DCAF1: variants seen among roughly 807,000 people sequenced by gnomAD.
The protein encoded by DCAF1 is DDB1 and CUL4 associated factor 1, also known as DDB1- and CUL4-associated factor 1.
DCAF1 carries 15 observed loss-of-function variants against 128.0 expected under a neutral mutation model. The observed-to-expected ratio is 0.12, with a 90% CI of 0.08 to 0.18. The LOEUF is 0.18. DCAF1 is among the 10% of genes least tolerant of loss of function. The pLI is 1.00. For missense variants in DCAF1, 988 were observed against 1,649.5 expected (o/e 0.60, Z 6.95); for synonymous variants, 610 against 603.0 (o/e 1.01, Z -0.17).
At chr3:51,499,727 A>G (rs1708648954) in intron 1 of DCAF1, 146 bp downstream of exon 1, 1 of 151,350 alleles carries the variant, frequency 6.6e-6, no homozygotes, top group African/African-American at 2.4e-5. Context: ...GCCTCCCGGC[A>G]GACCGGCCCG....
chr3:51,430,354 T>C (rs534196387), intron 10 of DCAF1, 142 bp from the exon 11 acceptor site: 1 of 559,298 alleles, frequency 1.8e-6, no homozygotes, highest in Admixed American at 3.3e-5. Flanking sequence ...AAAGTTTAGG[T>C]AATAATACAA....
intron 9 of DCAF1, chr3:51,437,362 T>G (rs375818278): frequency 1.3e-5 from 5 of 386,556 alleles, no homozygotes; most frequent in African/African-American, 6.7e-5. Context: ...GGGCTGAACA[T>G]GGGAGGGCAA....
In DCAF1 at chr3:51,430,843, G is replaced by A. The variant is rs148835725; in HGVS notation, c.1288-631C>T. ...GCAAAGATAAATAATGTCATAGCTC[G>A]AGAAGAAATTACCCATTTCACTCTA... On this transcript the variant is annotated intron_variant, in intron 10 of 24. Transcript: ENST00000684031. 7.8e-3 allele frequency among the ~76,000 whole-genome samples: 1,187 copies of A among 152,188 alleles called. 18 individuals are homozygous for A. Among genetic ancestry groups the A allele is most frequent in the African/African-American group, 0.027 (1,109 of 41,538 alleles).
intron 13 of DCAF1, among the ~76,000 whole-genome samples, chr3:51,425,055 C>T (rs782192073): frequency 2.6e-5 from 4 of 152,036 alleles, no homozygotes; most frequent in Non-Finnish European, 4.4e-5. Flanking sequence ...GCAAATATTA[C>T]GTAGTGAATG....
At chr3:51,445,611 T>A (rs928654385) in intron 6 of DCAF1, among the ~76,000 whole-genome samples, 5 of 152,212 alleles carry the variant, frequency 3.3e-5, no homozygotes, top group African/African-American at 1.2e-4. Flanking sequence ...CTCTGCTATT[T>A]TATTGGCTTG....
chr3:51,412,752 A>G (rs1169765076), intron 22 of DCAF1, among the ~76,000 whole-genome samples: 3 of 152,206 alleles, frequency 2.0e-5, no homozygotes, highest in African/African-American at 7.2e-5. Context: ...AAGGGATGAC[A>G]GTGTGAGTCC....
At chr3:51,434,982 A>G (rs1317946803) in intron 9 of DCAF1, among the ~76,000 whole-genome samples, 1 of 152,218 alleles carries the variant, frequency 6.6e-6, no homozygotes, top group Non-Finnish European at 1.5e-5. Flanking sequence ...TTGTAATTAC[A>G]TGATATGATA....
chr3:51,434,666 T>A (rs1253437118), intron 9 of DCAF1, among the ~76,000 whole-genome samples: 1 of 152,190 alleles, frequency 6.6e-6, no homozygotes, highest in Non-Finnish European at 1.5e-5. Context: ...GATCAATATA[T>A]CCCCAAAAGA....
rs1207178041 is a variant in DCAF1 at position 51,397,999 on chromosome 3, A to AACTT, written c.*766_*769dup. On this transcript the variant is annotated 3_prime_UTR_variant, in exon 25 of 25. Transcript: ENST00000684031. The stretch of plus-strand genomic sequence containing the variant: ...ATCACAAAGAAAAATAGAGGGAGTG[A>AACTT]ACTTATATCCTAAGTTCCCTCAACT... 6.1e-6 allele frequency: 1 copy of AACTT among 164,496 alleles called. No individual in the cohort carries two copies. The highest frequency in any genetic ancestry group is 6.5e-5 in the Admixed American group (1 of 15,280). The allele number at this position is 164,496 out of a possible 1,614,324, so 10.2% of individuals were successfully genotyped here.
intron 7 of DCAF1, 133 bp from the exon 8 acceptor site, chr3:51,442,030 A>T (rs1701406985): frequency 4.1e-6 from 5 of 1,230,708 alleles, no homozygotes; most frequent in Non-Finnish European, 4.4e-6. Context: ...CAACAATTTG[A>T]TAAATGCGTT....
At chr3:51,447,681 C>T (rs1360771095) in intron 6 of DCAF1, among the ~76,000 whole-genome samples, 2 of 152,182 alleles carry the variant, frequency 1.3e-5, no homozygotes, top group Non-Finnish European at 2.9e-5. Context: ...GGCACGGTGG[C>T]TCATGCCTGT....
At chr3:51,484,544 G>C (rs1456412226) in intron 2 of DCAF1, among the ~76,000 whole-genome samples, 1 of 152,034 alleles carries the variant, frequency 6.6e-6, no homozygotes, top group African/African-American at 2.4e-5. Context: ...CTAGATCTCT[G>C]AGGTCTAAAA....
intron 20 of DCAF1, 151 bp downstream of exon 20, chr3:51,413,799 A>G (rs375231657): frequency 9.6e-7 from 1 of 1,036,864 alleles, no homozygotes; most frequent in Admixed American, 4.0e-5. Flanking sequence ...ATCTTTTGTC[A>G]CCATTCATAC....
At chr3:51,441,297 A>G in intron 8 of DCAF1, 88 bp downstream of exon 8, 2 of 1,443,124 alleles carry the variant, frequency 1.4e-6, no homozygotes, top group Non-Finnish European at 1.8e-6. Flanking sequence ...GTTAGAATAT[A>G]TCTTTGTATA....
rs1222743053 is a variant in DCAF1 at position 51,420,290 on chromosome 3, C to A, written c.2680G>T (p.Ala894Ser). Residue 894 changes from alanine to serine, a missense_variant, in exon 15 of 25, where the codon GCT becomes TCT. Physicochemically the swap from Ala to Ser is moderately conservative, Grantham distance 99. Transcript: ENST00000684031. This position sits in a 1 kb window ranked among gnomAD's most constrained non-coding sequence, Gnocchi z 6.5. ...GTTCGGGGTAGAGAGACAGGAGAAG[C>A]AGCAGCAGTGACTGGGGTAAAGGCA... ...SSAFTPVTAA[A>S]SPVSLPRTPR... 17 of 1,613,892 alleles carry A rather than the reference C, an allele frequency of 1.1e-5. No individual in the cohort carries two copies. In the Admixed American group the frequency reaches 2.0e-4, roughly 19 times the overall value.
At chr3:51,480,830 C>T (rs931031151) in intron 3 of DCAF1, among the ~76,000 whole-genome samples, 1 of 152,114 alleles carries the variant, frequency 6.6e-6, no homozygotes, top group African/African-American at 2.4e-5. Context: ...TTATACCACA[C>T]TATACTAGAA....
At chr3:51,456,915 G>A (rs1386632566) in intron 6 of DCAF1, among the ~76,000 whole-genome samples, 4 of 152,034 alleles carry the variant, frequency 2.6e-5, no homozygotes, top group African/African-American at 9.7e-5. Flanking sequence ...CCATCTGTAC[G>A]TCACCATCGT....
At chr3:51,489,261 T>C (rs1482848971) in intron 2 of DCAF1, among the ~76,000 whole-genome samples, 1 of 149,054 alleles carries the variant, frequency 6.7e-6, no homozygotes, top group Non-Finnish European at 1.5e-5. Flanking sequence ...TGGTGAAATC[T>C]CGTCTCCAGT....
intron 9 of DCAF1, among the ~76,000 whole-genome samples, chr3:51,440,666 G>T (rs906183132): frequency 6.6e-5 from 10 of 151,994 alleles, no homozygotes; most frequent in Non-Finnish European, 1.5e-4. Context: ...AGCACTGTGG[G>T]AGGCCAAGGC....
Sources: allele counts gnomAD v4.1 joint callset (sites outside exome capture counted in the v4.1 genomes callset), GRCh38; gene constraint gnomAD v4.1.1; non-coding constraint Gnocchi (gnomAD v3.1); transcripts MANE v1.5; gene names NCBI Gene and HGNC (gene_info 2026-07-23, HGNC 2026-07-21).